Variants in HMOX2 observed in about 807,000 individuals in gnomAD.
HMOX2 encodes heme oxygenase (decycling) 2.
A neutral mutation model predicts 33.7 loss-of-function variants in HMOX2; 30 were observed. The observed-to-expected ratio is 0.89, with a 90% confidence interval of 0.67 to 1.21. The LOEUF is 1.21. HMOX2 is among the 50% of genes most tolerant of loss of function. HMOX2 has a pLI of 0.00. For missense variants in HMOX2, 403 were observed against 399.1 expected (o/e 1.01, Z -0.08); for synonymous variants, 155 against 155.0 (o/e 1.00, Z 0.00).
Position 4,508,073 on chromosome 16 carries a change from T to A in HMOX2, c.565T>A (p.Phe189Ile). 2 of 1,613,894 alleles carry A rather than the reference T, an allele frequency of 1.2e-6. No homozygotes were observed. Among genetic ancestry groups the A allele is most frequent in the Non-Finnish European group, 1.7e-6 (2 of 1,179,990 alleles). The change falls in exon 4 of 6, where the codon TTT becomes ATT. Residue 189 changes from phenylalanine (F) to isoleucine (I), a missense_variant. Physicochemically the swap from Phe to Ile is conservative, Grantham distance 21 (BLOSUM62 0). Transcript: ENST00000570646. ...AGGGGAAGGGACCCAGTTCTACCTGTTTGAGAATGTGGACAATGCCCAGCA... is the reference window on the plus strand; with the variant it reads ...AGGGGAAGGGACCCAGTTCTACCTGATTGAGAATGTGGACAATGCCCAGCA... ...STGEGTQFYL[F>I]ENVDNAQQFK...
chr16:4,492,020 C>G (rs1302646004), intron 1 of HMOX2, among the ~76,000 whole-genome samples: 1 of 152,020 alleles, frequency 6.6e-6, no homozygotes, highest in Non-Finnish European at 1.5e-5. Context: ...ATATCACTGT[C>G]TCCATGAAAA....
chr16:4,487,093 C>CA (rs2058187707), intron 1 of HMOX2, among the ~76,000 whole-genome samples: 1 of 151,974 alleles, frequency 6.6e-6, no homozygotes, highest in Non-Finnish European at 1.5e-5. Context: ...CCTGTCTCTA[C>CA]AAAAAAATTT....
rs148852129 is a variant in HMOX2, at chr16:4,498,905, C to G, written c.-41-6579C>G. ...TTGAGAAGTCTCTGTTATCTCGTGC[C>G]TTGTTGGATTAGAACTGATTGAGCT... On this transcript the variant is annotated intron_variant, in intron 1 of 5. Transcript: ENST00000570646. Among the ~76,000 whole-genome samples the G allele has an allele frequency of 4.3e-3, 650 of 152,194 alleles. 5 individuals are homozygous for G. Among genetic ancestry groups the G allele is most frequent in the African/African-American group, 0.015 (616 of 41,516 alleles).
intron 1 of HMOX2, among the ~76,000 whole-genome samples, chr16:4,487,065 T>G (rs1270933875): frequency 6.6e-6 from 1 of 152,048 alleles, no homozygotes; most frequent in Non-Finnish European, 1.5e-5. Context: ...GAGACCAACC[T>G]GGGCAACATA....
upstream of HMOX2, chr16:4,476,286 C>G (rs1223531105): frequency 6.6e-6 from 1 of 152,322 alleles, no homozygotes; most frequent in Non-Finnish European, 1.5e-5. Flanking sequence ...TGGGGAAAGC[C>G]ACATACTCCG....
In HMOX2 at chr16:4,501,683, G is replaced by A. The variant is rs970049565; in HGVS notation, c.-41-3801G>A. ...CCTCAATTTTCTAGAGATTCCAATG[G>A]TTCCTGCAAAGAAAAGAGCATTCAA... On this transcript the variant is annotated intron_variant, in intron 1 of 5. Transcript: ENST00000570646. Among the ~76,000 whole-genome samples the A allele has an allele frequency of 2.0e-5, 3 of 152,052 alleles. No homozygotes were observed. In the South Asian group the frequency reaches 6.2e-4, roughly 32 times the overall value.
Position 4,509,425 on chromosome 16 carries a change from T to C in HMOX2, c.710T>C (p.Leu237Pro). The change falls in exon 5 of 6, where the codon CTG becomes CCG. Residue 237 changes from leucine to proline, a missense_variant. Leu to Pro is a moderately conservative substitution (Grantham distance 98, BLOSUM62 -3). Transcript: ENST00000570646. ...CTGCTCCTGCAGATATTCAATGAAC[T>C]GGACCAGGCCGGCTCCACACTGGCC... The part of the protein sequence containing the change: ...FEYNMQIFNE[L>P]DQAGSTLARE... 6.2e-7 allele frequency: 1 copy of C among 1,613,592 alleles called. No homozygotes were observed. Among genetic ancestry groups the C allele is most frequent in the Non-Finnish European group, 8.5e-7 (1 of 1,179,948 alleles).
At chr16:4,503,475 C>G (rs1166572572) in intron 1 of HMOX2, among the ~76,000 whole-genome samples, 1 of 152,172 alleles carries the variant, frequency 6.6e-6, no homozygotes, top group Non-Finnish European at 1.5e-5. Flanking sequence ...AGTAGAGTGT[C>G]TCTGATTTGG....
At chr16:4,486,894 C>T (rs1412226544) in intron 1 of HMOX2, among the ~76,000 whole-genome samples, 1 of 152,208 alleles carries the variant, frequency 6.6e-6, no homozygotes, top group Non-Finnish European at 1.5e-5. Flanking sequence ...TTTCTCTTTC[C>T]CTCCTCATTT....
chr16:4,506,861 A>G (rs374971887), intron 2 of HMOX2, 34 bp from the exon 3 acceptor site: 54 of 1,463,122 alleles, frequency 3.7e-5, no homozygotes, highest in Non-Finnish European at 4.9e-5. Flanking sequence ...GGGAAGGGCT[A>G]ATTGACACAC....
intron 1 of HMOX2, among the ~76,000 whole-genome samples, chr16:4,488,983 G>A (rs1288055695): frequency 6.6e-6 from 1 of 151,860 alleles, no homozygotes; most frequent in Non-Finnish European, 1.5e-5. Context: ...GTGCCACCAC[G>A]CCCAGCTAAT....
chr16:4,490,823 T>A (rs1393080603), intron 1 of HMOX2, among the ~76,000 whole-genome samples: 1 of 152,234 alleles, frequency 6.6e-6, no homozygotes, highest in Non-Finnish European at 1.5e-5. Flanking sequence ...ACTCATGTCC[T>A]CTTTTGAATG....
intron 1 of HMOX2, among the ~76,000 whole-genome samples, chr16:4,486,805 A>G (rs2058179950): frequency 6.6e-6 from 1 of 152,244 alleles, no homozygotes; most frequent in African/African-American, 2.4e-5. Flanking sequence ...TATGTCTCCT[A>G]GACCACAGCT....
intron 3 of HMOX2, among the ~76,000 whole-genome samples, chr16:4,507,247 C>A (rs570975970): frequency 6.6e-6 from 1 of 152,196 alleles, no homozygotes; most frequent in Admixed American, 6.5e-5. Flanking sequence ...GAGTTTGAGA[C>A]CAGCCTGGCC....
At chr16:4,497,952 G>C (rs139586464) in intron 1 of HMOX2, among the ~76,000 whole-genome samples, 1 of 151,694 alleles carries the variant, frequency 6.6e-6, no homozygotes, top group Non-Finnish European at 1.5e-5. Flanking sequence ...TTAGTTTGCA[G>C]TTGTTTTGCT....
At chr16:4,491,218 T>C (rs757882933) in intron 1 of HMOX2, among the ~76,000 whole-genome samples, 3 of 152,196 alleles carry the variant, frequency 2.0e-5, no homozygotes, top group African/African-American at 4.8e-5. Flanking sequence ...TAAGTCGCTC[T>C]AAAGAAACAA....
intron 1 of HMOX2, among the ~76,000 whole-genome samples, chr16:4,481,241 C>G (rs1270940435): frequency 1.3e-4 from 19 of 149,670 alleles, no homozygotes; most frequent in Middle Eastern, 3.5e-3. Flanking sequence ...CCCGGCTACT[C>G]GGGAGGCTGA....
chr16:4,510,049 TC>T lies in HMOX2; in HGVS notation c.*295del, dbSNP rs1216003749. ...CCACACTTCTGGGCCCTAGGCTGCT[TC>T]CGGTAGTCCCTGTTTTTGCAGTACA... On this transcript the variant is annotated 3_prime_UTR_variant, in exon 6 of 6. Coordinates refer to ENST00000570646, the MANE Select transcript of HMOX2 (RefSeq NM_002134.4). 8 of 446,252 alleles carry T rather than the reference TC, an allele frequency of 1.8e-5. No individual in the cohort carries two copies. The East Asian group carries it at 2.9e-4, about 16-fold the overall frequency. The allele number at this position is 446,252 out of a possible 1,614,324, so 27.6% of individuals were successfully genotyped here.
At chr16:4,503,750 C>G (rs17881667) in intron 1 of HMOX2, among the ~76,000 whole-genome samples, 2 of 152,178 alleles carry the variant, frequency 1.3e-5, no homozygotes, top group Non-Finnish European at 2.9e-5. Context: ...TAAAAGATAA[C>G]AAAAATGTAA....
Sources: allele counts gnomAD v4.1 joint callset (sites outside exome capture counted in the v4.1 genomes callset), GRCh38; gene constraint gnomAD v4.1.1; transcripts MANE v1.5; gene names NCBI Gene and HGNC (gene_info 2026-07-23, HGNC 2026-07-21).